Variants in CSMD2 observed in about 807,000 individuals in gnomAD.
CSMD2 encodes CUB and Sushi multiple domains 2, also known as CUB and sushi domain-containing protein 2.
A neutral mutation model predicts 398.5 loss-of-function variants in CSMD2; 130 were observed. That is an observed-to-expected ratio of 0.33 (90% CI 0.28 to 0.38). The LOEUF is 0.38. CSMD2 is among the 10% of genes least tolerant of loss of function. The pLI, the probability that CSMD2 is intolerant of heterozygous loss-of-function variation, is 1.00. For missense variants in CSMD2, 3,829 were observed against 4,764.9 expected (o/e 0.80, Z 5.78); for synonymous variants, 1,828 against 1,908.5 (o/e 0.96, Z 1.10).
intron 44 of CSMD2, chr1:33,599,174 G>A (rs1278354791): frequency 1.3e-5 from 2 of 152,344 alleles, no homozygotes; most frequent in African/African-American, 4.8e-5. Context: ...GGCAGAAGGA[G>A]CATTGTGCCC....
intron 2 of CSMD2, among the ~76,000 whole-genome samples, chr1:34,077,320 G>A (rs1473717917): frequency 4.0e-5 from 6 of 150,706 alleles, no homozygotes; most frequent in South Asian, 2.1e-4. Context: ...AGCCGGGCGC[G>A]GTGGCGGGCG....
intron 19 of CSMD2, among the ~76,000 whole-genome samples, chr1:33,720,665 G>A (rs982427616): frequency 2.0e-5 from 3 of 152,196 alleles, no homozygotes; most frequent in Admixed American, 6.5e-5. Context: ...GACAGGTAAG[G>A]ACTATGAGGC....
intron 5 of CSMD2, among the ~76,000 whole-genome samples, chr1:33,874,706 C>T (rs1422265200): frequency 1.3e-5 from 2 of 152,220 alleles, no homozygotes; most frequent in African/African-American, 2.4e-5. Flanking sequence ...AGAAACCACA[C>T]CTCCAGCTCT....
chr1:33,718,262 A>C (rs1646239312), intron 19 of CSMD2, among the ~76,000 whole-genome samples: 1 of 152,206 alleles, frequency 6.6e-6, no homozygotes, highest in African/African-American at 2.4e-5. Context: ...GTAAGAGATC[A>C]GGTAGTGAGG....
At chr1:33,733,848 C>G (rs1451601974) in intron 15 of CSMD2, among the ~76,000 whole-genome samples, 3 of 152,122 alleles carry the variant, frequency 2.0e-5, no homozygotes, top group African/African-American at 7.2e-5. Context: ...TATAAATTAC[C>G]CAGTCTTGGG....
intron 1 of CSMD2, among the ~76,000 whole-genome samples, chr1:34,093,302 T>C (rs1658870116): frequency 6.6e-6 from 1 of 151,858 alleles, no homozygotes; most frequent in South Asian, 2.1e-4. Context: ...ACCACAAAGA[T>C]GGGGAAAAAA....
At chr1:33,810,916 C>T (rs1656793955) in intron 9 of CSMD2, 52 bp from the exon 10 acceptor site, 5 of 1,592,826 alleles carry the variant, frequency 3.1e-6, no homozygotes, top group Non-Finnish European at 4.3e-6. Context: ...GTCCAGTTCC[C>T]CTTCTTGCCT....
intron 29 of CSMD2, among the ~76,000 whole-genome samples, chr1:33,642,159 C>T (rs1643144261): frequency 6.6e-6 from 1 of 151,974 alleles, no homozygotes; most frequent in Non-Finnish European, 1.5e-5. Context: ...CCAGCTTGGC[C>T]AACATGGCGA....
chr1:33,672,032 C>T (rs1013804272), intron 25 of CSMD2, among the ~76,000 whole-genome samples: 1 of 152,156 alleles, frequency 6.6e-6, no homozygotes, highest in Non-Finnish European at 1.5e-5. Flanking sequence ...TAGGAACAGC[C>T]CCAGTCTACA....
At chr1:33,760,025 T>C (rs1649613181) in intron 13 of CSMD2, among the ~76,000 whole-genome samples, 1 of 152,220 alleles carries the variant, frequency 6.6e-6, no homozygotes, top group Non-Finnish European at 1.5e-5. Context: ...TGATGATTGC[T>C]AAGTTCTTGC....
At chr1:34,131,595 T>C (rs562422467) in intron 1 of CSMD2, among the ~76,000 whole-genome samples, 1 of 152,078 alleles carries the variant, frequency 6.6e-6, no homozygotes, top group Admixed American at 6.5e-5. Flanking sequence ...CTGCAGGAAG[T>C]GGAGATCAGG....
chr1:33,814,717 C>T (rs1657259322), intron 9 of CSMD2, among the ~76,000 whole-genome samples: 1 of 152,206 alleles, frequency 6.6e-6, no homozygotes, highest in Non-Finnish European at 1.5e-5. Flanking sequence ...TTTATAGCCA[C>T]ACCCAGGGCC....
chr1:34,067,568 G>A (rs78467659), intron 2 of CSMD2, among the ~76,000 whole-genome samples: 6,935 of 152,254 alleles, frequency 0.046, 402 homozygotes, highest in African/African-American at 0.13. Flanking sequence ...CCATGAGCCA[G>A]TAGCACCAGC....
At chr1:33,649,335 C>G (rs1324983894) in intron 28 of CSMD2, among the ~76,000 whole-genome samples, 1 of 152,164 alleles carries the variant, frequency 6.6e-6, no homozygotes, top group Non-Finnish European at 1.5e-5. Context: ...ATAACAAAAC[C>G]AATTGTTTAT....
chr1:34,041,213 C>T (rs906699530), intron 2 of CSMD2, among the ~76,000 whole-genome samples: 3 of 152,148 alleles, frequency 2.0e-5, no homozygotes, highest in Admixed American at 2.0e-4. Flanking sequence ...GACTCCCATT[C>T]TAAGCAGAAG....
At chr1:33,641,854 C>T (rs528485852) in intron 29 of CSMD2, among the ~76,000 whole-genome samples, 10 of 152,270 alleles carry the variant, frequency 6.6e-5, no homozygotes, top group African/African-American at 2.4e-4. Flanking sequence ...TGTTCTCAGC[C>T]CCTGTAAGAA....
rs549363914 is a variant in CSMD2, at chr1:33,690,040, T to C, written c.4052+2890A>G. Among the ~76,000 whole-genome samples, 12 of 152,282 alleles carry C rather than the reference T, an allele frequency of 7.9e-5. 1 individual carries two copies. In the South Asian group the frequency reaches 2.5e-3, roughly 32 times the overall value. On this transcript the variant is annotated intron_variant, in intron 25 of 70. Transcript: ENST00000373381. ...GGCCTCCTCGTCCCCAGCCACACTC[T>C]GGAGGCAGCTTCCTCACTGCGCTTA...
At chr1:33,702,208 C>G (rs1390707964) in intron 22 of CSMD2, among the ~76,000 whole-genome samples, 1 of 152,142 alleles carries the variant, frequency 6.6e-6, no homozygotes, top group African/African-American at 2.4e-5. Flanking sequence ...TTAAAAAACA[C>G]ATCAGACAAT....
intron 1 of CSMD2, among the ~76,000 whole-genome samples, chr1:34,116,944 T>C (rs1424300866): frequency 6.6e-6 from 1 of 151,696 alleles, no homozygotes; most frequent in African/African-American, 2.4e-5. Context: ...TTGAGACGAA[T>C]GAAAATAAAG....
Sources: gnomAD v4.1 joint callset for allele counts (sites outside exome capture counted in the v4.1 genomes callset) on GRCh38, gnomAD v4.1.1 for gene constraint, MANE v1.5 for transcripts, NCBI Gene and HGNC (gene_info 2026-07-23, HGNC 2026-07-21) for gene names.